Variants in DSCAM observed in about 807,000 individuals in gnomAD.
DSCAM encodes the protein cell adhesion molecule DSCAM.
In DSCAM, 47 loss-of-function variants were observed where a neutral mutation model predicts 217.7. The ratio of observed to expected loss-of-function variants is 0.22; its 90% CI spans 0.17 to 0.28. The LOEUF (loss-of-function observed/expected upper bound fraction) is 0.28. Ranked by LOEUF, DSCAM falls within the 10% of genes least tolerant of loss-of-function variation. DSCAM has a pLI of 1.00. For missense variants in DSCAM, 2,080 were observed against 2,618.3 expected, an observed-to-expected ratio of 0.79 and a Z score of 4.49; for synonymous variants, 1,056 against 1,015.3, an observed-to-expected ratio of 1.04 and a Z score of -0.76.
At chr21:40,094,274 C>T (rs186722876) in intron 20 of DSCAM, among the ~76,000 whole-genome samples, 6 of 152,174 alleles carry the variant, frequency 3.9e-5, no homozygotes, top group Admixed American at 6.5e-5. Context: ...AGATGGGAAA[C>T]GAATGAAGAA....
intron 20 of DSCAM, among the ~76,000 whole-genome samples, chr21:40,118,913 C>T (rs1371934430): frequency 2.0e-5 from 3 of 152,120 alleles, no homozygotes; most frequent in Non-Finnish European, 2.9e-5. Context: ...ACGTCATGGT[C>T]CCTTTGTGGT....
In DSCAM at chr21:40,296,117, A is replaced by T; in HGVS notation, c.2120T>A (p.Val707Asp). 1 of 1,614,120 alleles carries T rather than the reference A, an allele frequency of 6.2e-7. No individual in the cohort carries two copies. The change falls in exon 10 of 33, where the codon GTC (valine) becomes GAC (aspartate). Residue 707 changes from valine to aspartate, a missense_variant. Physicochemically the swap from Val to Asp is radical, Grantham distance 152 (BLOSUM62 -3). Around this residue, in one of 5 missense-constraint regions of DSCAM, gnomAD observed 218 missense variants for 364.1 expected, o/e 0.60. Transcript: ENST00000400454. ...RDQDGIYGKA[V>D]ILNCSAEGYP... ...ACCCTCAGCAGAACAATTGAGGATG[A>T]CTGCTTTGCCATAAATCCCGTCCTG...
At chr21:40,120,893 A>G (rs2090025766) in intron 20 of DSCAM, among the ~76,000 whole-genome samples, 1 of 152,206 alleles carries the variant, frequency 6.6e-6, no homozygotes, top group African/African-American at 2.4e-5. Flanking sequence ...ATTAGAGAAA[A>G]AAGCTTGTCT....
chr21:40,140,246 G>C (rs952524057), intron 18 of DSCAM, among the ~76,000 whole-genome samples: 3 of 152,158 alleles, frequency 2.0e-5, no homozygotes, highest in African/African-American at 7.2e-5. Flanking sequence ...GAAATGAAGT[G>C]CAGACTTCTA....
At chr21:40,080,941 C>T (rs764320502) in intron 24 of DSCAM, among the ~76,000 whole-genome samples, 4 of 152,302 alleles carry the variant, frequency 2.6e-5, no homozygotes, top group East Asian at 1.9e-4. Flanking sequence ...ACTTTTACAA[C>T]TAGTAAGGAT....
chr21:40,712,218 G>C (rs1315296595), intron 1 of DSCAM, among the ~76,000 whole-genome samples: 1 of 151,938 alleles, frequency 6.6e-6, no homozygotes, highest in Non-Finnish European at 1.5e-5. Flanking sequence ...ATTGAATCTG[G>C]ACAGTGACAG....
intron 20 of DSCAM, among the ~76,000 whole-genome samples, chr21:40,113,765 A>G (rs1288810865): frequency 6.6e-6 from 1 of 152,218 alleles, no homozygotes; most frequent in Non-Finnish European, 1.5e-5. Flanking sequence ...TTATATACCA[A>G]TAACAGACAA....
At chr21:40,608,535 G>A (rs1056115307) in intron 3 of DSCAM, among the ~76,000 whole-genome samples, 1 of 152,204 alleles carries the variant, frequency 6.6e-6, no homozygotes, top group Admixed American at 6.5e-5. Context: ...GTTAGCTGAA[G>A]TGAAACAGGT....
At chr21:40,048,589 GT>G (rs2088879680) in intron 30 of DSCAM, among the ~76,000 whole-genome samples, 1 of 152,200 alleles carries the variant, frequency 6.6e-6, no homozygotes, top group African/African-American at 2.4e-5. Context: ...CTACAATGCA[GT>G]CATTCTGGTA....
intron 3 of DSCAM, among the ~76,000 whole-genome samples, chr21:40,505,923 G>A (rs1186186964): frequency 1.3e-5 from 2 of 152,148 alleles, no homozygotes; most frequent in Non-Finnish European, 2.9e-5. Context: ...CAGGAGACAA[G>A]CAAAGTAGCT....
At chr21:40,230,696 T>C (rs377698554) in intron 11 of DSCAM, among the ~76,000 whole-genome samples, 1 of 152,252 alleles carries the variant, frequency 6.6e-6, no homozygotes, top group East Asian at 1.9e-4. Context: ...AGACTTCTGC[T>C]CTGACTCATG....
intron 12 of DSCAM, among the ~76,000 whole-genome samples, chr21:40,188,494 G>C (rs1275245428): frequency 6.6e-6 from 1 of 152,164 alleles, no homozygotes; most frequent in Non-Finnish European, 1.5e-5. Flanking sequence ...CAAACACAGG[G>C]CTTCCCCACC....
chr21:40,645,418 C>A (rs1317864166), intron 3 of DSCAM, among the ~76,000 whole-genome samples: 1 of 152,028 alleles, frequency 6.6e-6, no homozygotes, highest in Non-Finnish European at 1.5e-5. Context: ...TGAAATTCAG[C>A]TGGACTGTAG....
rs181049821 is a variant in DSCAM at position 40,825,477 on chromosome 21, C to G, written c.43+21142G>C. ...GAATTACAGGCACTTACCACCACGC[C>G]CGGCTAATTTTTGTATTTTTAGTAG... On this transcript the variant is annotated intron_variant, in intron 1 of 32. Transcript: ENST00000400454. Among the ~76,000 whole-genome samples, 282 of 152,134 alleles carry G rather than the reference C, an allele frequency of 1.9e-3. 1 individual carries two copies. Among genetic ancestry groups the G allele is most frequent in the African/African-American group, 6.4e-3 (266 of 41,486 alleles).
At chr21:40,269,494 C>T (rs990499614) in intron 11 of DSCAM, among the ~76,000 whole-genome samples, 1 of 152,180 alleles carries the variant, frequency 6.6e-6, no homozygotes. Context: ...CAACACAAGA[C>T]CGCAAAAGAG....
intron 8 of DSCAM, among the ~76,000 whole-genome samples, chr21:40,322,051 A>G (rs764605118): frequency 2.6e-5 from 4 of 152,186 alleles, no homozygotes; most frequent in Non-Finnish European, 5.9e-5. Flanking sequence ...AGAATTAGAT[A>G]AATGTCCACT....
At chr21:40,559,040 C>T (rs768078769) in intron 3 of DSCAM, among the ~76,000 whole-genome samples, 2 of 152,134 alleles carry the variant, frequency 1.3e-5, no homozygotes, top group Non-Finnish European at 2.9e-5. Context: ...TAAGGTTTAC[C>T]TCATAATGAA....
intron 1 of DSCAM, among the ~76,000 whole-genome samples, chr21:40,814,686 G>A (rs1374309920): frequency 3.9e-5 from 6 of 152,214 alleles, no homozygotes; most frequent in Non-Finnish European, 8.8e-5. Flanking sequence ...AAGATGAGAC[G>A]TTGACCTGCA....
intron 3 of DSCAM, among the ~76,000 whole-genome samples, chr21:40,523,379 G>C (rs917063334): frequency 1.3e-5 from 2 of 152,108 alleles, no homozygotes; most frequent in Non-Finnish European, 2.9e-5. Context: ...TGGATGTTGA[G>C]AGGAACACAT....
Sources: gnomAD v4.1 joint callset for allele counts (sites outside exome capture counted in the v4.1 genomes callset) on GRCh38, gnomAD v4.1.1 for gene constraint, gnomAD v4.1.1 regional missense constraint, MANE v1.5 for transcripts, NCBI Gene and HGNC (gene_info 2026-07-23, HGNC 2026-07-21) for gene names.